The following CREB5 variants were observed in gnomAD, a reference collection of about 807,000 sequenced individuals.
CREB5 encodes cyclic AMP-responsive element-binding protein 5.
A neutral mutation model predicts 57.1 loss-of-function variants in CREB5; 19 were observed. That is an observed-to-expected ratio of 0.33 (90% CI 0.23 to 0.49). The LOEUF (loss-of-function observed/expected upper bound fraction) is 0.49, where lower values mean the gene tolerates loss of function less well. CREB5 is among the 20% of genes least tolerant of loss of function. CREB5 has a pLI of 0.99. For synonymous variants in CREB5, 238 were observed against 238.3 expected (o/e 1.00, Z 0.01); for missense variants, 579 against 671.6 (o/e 0.86, Z 1.52).
At chr7:28,649,637 G>A (rs1304087698) in intron 5 of CREB5, among the ~76,000 whole-genome samples, 1 of 152,162 alleles carries the variant, frequency 6.6e-6, no homozygotes, top group Non-Finnish European at 1.5e-5. Context: ...GGATAGTATT[G>A]CCTTTCATTT....
chr7:28,305,985 G>GTT (rs143856497), intron 1 of CREB5, among the ~76,000 whole-genome samples: 1 of 147,636 alleles, frequency 6.8e-6, no homozygotes, highest in Non-Finnish European at 1.5e-5. Context: ...ATTTTAATTA[G>GTT]TTTTTTTTTT....
chr7:28,560,825 C>CGTGTGCGTGCGT (rs1562797019), intron 4 of CREB5, among the ~76,000 whole-genome samples: 105 of 37,610 alleles, frequency 2.8e-3, no homozygotes, highest in Middle Eastern at 0.019. Context: ...TGTGTGTGCG[C>CGTGTGCGTGCGT]GCGCGCGCGT....
intron 4 of CREB5, among the ~76,000 whole-genome samples, chr7:28,541,087 A>G (rs117164946): frequency 0.014 from 2,109 of 152,360 alleles, 30 homozygotes; most frequent in Middle Eastern, 0.058. Context: ...TAATGCGTAA[A>G]TGAATAAAAT....
At chr7:28,359,302 G>T (rs1389059419) in intron 1 of CREB5, among the ~76,000 whole-genome samples, 1 of 151,780 alleles carries the variant, frequency 6.6e-6, no homozygotes, top group African/African-American at 2.4e-5. Flanking sequence ...TCTCTTTGAA[G>T]CTGCATTTCC....
intron 1 of CREB5, among the ~76,000 whole-genome samples, chr7:28,369,594 C>A (rs2041491): frequency 6.6e-6 from 1 of 152,102 alleles, no homozygotes; most frequent in Non-Finnish European, 1.5e-5. Context: ...TTCAACTAAC[C>A]GTAGTTGTGG....
intron 7 of CREB5, among the ~76,000 whole-genome samples, chr7:28,759,837 T>A (rs888416008): frequency 6.6e-6 from 1 of 152,252 alleles, no homozygotes; most frequent in Non-Finnish European, 1.5e-5. Context: ...ATGTGTGACA[T>A]GCTCAGGTTT....
chr7:28,485,958 A>T (rs1471733240), intron 1 of CREB5, among the ~76,000 whole-genome samples: 1 of 152,108 alleles, frequency 6.6e-6, no homozygotes, highest in East Asian at 1.9e-4. Flanking sequence ...TAATTGCTCA[A>T]CACTCCCCAG....
intron 5 of CREB5, among the ~76,000 whole-genome samples, chr7:28,664,172 C>G (rs530739042): frequency 6.6e-6 from 1 of 152,274 alleles, no homozygotes; most frequent in South Asian, 2.1e-4. Flanking sequence ...CTTCTAACAT[C>G]TCTCTTTCTG....
chr7:28,391,507 C>T (rs896235326), intron 1 of CREB5, among the ~76,000 whole-genome samples: 4 of 152,166 alleles, frequency 2.6e-5, no homozygotes, highest in African/African-American at 4.8e-5. Context: ...ATAATTACAG[C>T]GTAAAGTAAA....
chr7:28,329,240 G>A (rs930509243), intron 1 of CREB5, among the ~76,000 whole-genome samples: 1 of 152,174 alleles, frequency 6.6e-6, no homozygotes, highest in African/African-American at 2.4e-5. Flanking sequence ...TCAAATCTAC[G>A]AGCTGAAATC....
rs1039680898 is a variant in CREB5, at chr7:28,811,318, C to A, written c.1254+1904C>A. On this transcript the variant is annotated intron_variant, in intron 9 of 10. Transcript: ENST00000357727. ...CCACCAGAGAAATGGCTGGACTCAA[C>A]CACCTTTAAAGCCACTTGTAGAATC... is the stretch of plus-strand genomic sequence containing the variant. Among the ~76,000 whole-genome samples the A allele has an allele frequency of 3.3e-5, 5 of 152,140 alleles. No individual in the cohort carries two copies. The East Asian group carries it at 9.6e-4, about 29-fold the overall frequency.
chr7:28,712,036 C>A (rs1343200379), intron 5 of CREB5, among the ~76,000 whole-genome samples: 1 of 152,090 alleles, frequency 6.6e-6, no homozygotes, highest in Non-Finnish European at 1.5e-5. Flanking sequence ...AACTGAGGCA[C>A]AGAGAAGACA....
chr7:28,652,932 T>C (rs574729563), intron 5 of CREB5, among the ~76,000 whole-genome samples: 15 of 152,342 alleles, frequency 9.8e-5, no homozygotes, highest in African/African-American at 3.4e-4. Context: ...TTGTAATGGA[T>C]AGTCCAAGTT....
At chr7:28,520,722 T>G (rs1793170345) in intron 4 of CREB5, among the ~76,000 whole-genome samples, 1 of 152,274 alleles carries the variant, frequency 6.6e-6, no homozygotes, top group African/African-American at 2.4e-5. Flanking sequence ...GAGCACACAC[T>G]TTGTGATTGC....
chr7:28,492,444 G>A (rs1383369126), intron 2 of CREB5, among the ~76,000 whole-genome samples: 1 of 152,026 alleles, frequency 6.6e-6, no homozygotes, highest in Non-Finnish European at 1.5e-5. Context: ...GAATTCCAGT[G>A]GCCTTTCTCA....
intron 1 of CREB5, among the ~76,000 whole-genome samples, chr7:28,483,077 C>T (rs2128590739): frequency 6.6e-6 from 1 of 152,344 alleles, no homozygotes; most frequent in Middle Eastern, 3.4e-3. Flanking sequence ...CAGATGATGT[C>T]AATTTATCCC....
intron 5 of CREB5, among the ~76,000 whole-genome samples, chr7:28,608,467 A>G (rs1797253121): frequency 6.6e-6 from 1 of 152,198 alleles, no homozygotes; most frequent in South Asian, 2.1e-4. Flanking sequence ...ACTGTTAATG[A>G]GCCTGTGGTC....
chr7:28,386,716 C>T (rs1787111735), intron 1 of CREB5, among the ~76,000 whole-genome samples: 1 of 152,262 alleles, frequency 6.6e-6, no homozygotes, highest in South Asian at 2.1e-4. Flanking sequence ...GTTTCCCTTG[C>T]TTCTGTTTTG....
intron 1 of CREB5, among the ~76,000 whole-genome samples, chr7:28,423,636 G>T (rs1788369015): frequency 6.6e-6 from 1 of 152,142 alleles, no homozygotes; most frequent in Non-Finnish European, 1.5e-5. Flanking sequence ...GTCATCCTTT[G>T]TGGTGCTGAA....
Sources: allele counts gnomAD v4.1 joint callset (sites outside exome capture counted in the v4.1 genomes callset), GRCh38; gene constraint gnomAD v4.1.1; transcripts MANE v1.5; gene names NCBI Gene and HGNC (gene_info 2026-07-23, HGNC 2026-07-21).